Variants in SCUBE1 observed in about 807,000 individuals in gnomAD.
The protein encoded by SCUBE1 is signal peptide, CUB domain and EGF like domain containing 1.
Under a neutral mutation model 124.4 loss-of-function variants are expected in SCUBE1, and 59 were observed. That is an observed-to-expected ratio of 0.47 (90% CI 0.38 to 0.59). The LOEUF (loss-of-function observed/expected upper bound fraction) is 0.59, where lower values mean the gene tolerates loss of function less well. Ranked by LOEUF, SCUBE1 falls within the 20% of genes least tolerant of loss-of-function variation. SCUBE1 has a pLI of 0.00. For missense variants in SCUBE1, 1,150 were observed against 1,371.2 expected, an observed-to-expected ratio of 0.84 and a Z score of 2.55; for synonymous variants, 545 against 550.9, an observed-to-expected ratio of 0.99 and a Z score of 0.15.
chr22:43,302,434 G>A (rs1352576466), intron 3 of SCUBE1, among the ~76,000 whole-genome samples: 1 of 152,200 alleles, frequency 6.6e-6, no homozygotes, highest in East Asian at 1.9e-4. Flanking sequence ...CACTCACTTT[G>A]CTAGACCACC....
chr22:43,246,417 G>A (rs1246882227), intron 6 of SCUBE1, among the ~76,000 whole-genome samples: 5 of 152,170 alleles, frequency 3.3e-5, no homozygotes, highest in African/African-American at 9.7e-5. Flanking sequence ...CCGTGCACCA[G>A]GCGGACCCTC....
chr22:43,220,584 T>C lies in SCUBE1; in HGVS notation c.1553A>G (p.His518Arg), dbSNP rs1922048221. The C allele has an allele frequency of 6.2e-6, 10 of 1,613,578 alleles. No homozygotes were observed. The East Asian group carries it at 2.2e-4, about 36-fold the overall frequency. The change falls in exon 14 of 22, where the codon CAC becomes CGC. Residue 518 changes from histidine (H) to arginine (R), a missense_variant. Physicochemically the swap from His to Arg is conservative, Grantham distance 29. Coordinates refer to ENST00000360835, the MANE Select transcript of SCUBE1 (RefSeq NM_173050.5). ...GAGGGTCACGAAAGTCACATGGCAG[T>C]GGTCTGGACGAGGAAAGGACCACTG... ...KETARQPLLD[H>R]CHVTFVTLKC...
intron 3 of SCUBE1, among the ~76,000 whole-genome samples, chr22:43,304,799 C>T (rs2146767553): frequency 6.6e-6 from 1 of 152,294 alleles, no homozygotes. Flanking sequence ...CATCTCCACC[C>T]CCCGCAGGGG....
intron 2 of SCUBE1, among the ~76,000 whole-genome samples, chr22:43,326,275 G>A (rs191988636): frequency 6.6e-6 from 1 of 152,282 alleles, no homozygotes; most frequent in Non-Finnish European, 1.5e-5. Context: ...CTGGGCGCTA[G>A]CACGTCCTCT....
chr22:43,235,800 C>T (rs35259648), intron 7 of SCUBE1, among the ~76,000 whole-genome samples: 32,499 of 152,068 alleles, frequency 0.21, 4,202 homozygotes, highest in Middle Eastern at 0.3. Context: ...TTCTTGAGGC[C>T]CAGAACCCCC....
In SCUBE1 at chr22:43,223,088, C is replaced by A; in HGVS notation, c.1327+9G>T. The A allele has an allele frequency of 6.5e-7, 1 of 1,527,182 alleles. No homozygotes were observed. Among genetic ancestry groups the A allele is most frequent in the Admixed American group, 2.4e-5 (1 of 42,376 alleles). 94.6% of individuals were successfully genotyped at this position (1,527,182 alleles called of 1,614,324 possible). On this transcript the variant is annotated intron_variant, in intron 11 of 21. Transcript: ENST00000360835. Reference sequence around the variant, plus strand: ...CACAGCATCCCATCTCAGGGACGGCCCGGGTTACCTGGCACGAAGAGTGTG... The same window carrying A: ...CACAGCATCCCATCTCAGGGACGGCACGGGTTACCTGGCACGAAGAGTGTG...
intron 4 of SCUBE1, among the ~76,000 whole-genome samples, chr22:43,267,604 T>A (rs1024870781): frequency 6.6e-6 from 1 of 151,984 alleles, no homozygotes; most frequent in South Asian, 2.1e-4. Flanking sequence ...ACCCCAGCAC[T>A]AGCAGGGTCT....
intron 3 of SCUBE1, among the ~76,000 whole-genome samples, chr22:43,306,133 G>T (rs1212569526): frequency 6.6e-6 from 1 of 152,150 alleles, no homozygotes; most frequent in Admixed American, 6.5e-5. Flanking sequence ...AGGGCCCAGG[G>T]TGCTCCAAGG....
chr22:43,300,377 T>G (rs867163313), intron 3 of SCUBE1, among the ~76,000 whole-genome samples: 1 of 151,726 alleles, frequency 6.6e-6, no homozygotes, highest in South Asian at 2.1e-4. Context: ...TTCTAATGAC[T>G]AATGATGTTG....
At chr22:43,328,873 T>C (rs1407435437) in intron 2 of SCUBE1, among the ~76,000 whole-genome samples, 1 of 152,192 alleles carries the variant, frequency 6.6e-6, no homozygotes. Flanking sequence ...AGGTCTTCAT[T>C]TCCCATGGCT....
chr22:43,286,687 T>G (rs573907688), intron 4 of SCUBE1, among the ~76,000 whole-genome samples: 3 of 152,164 alleles, frequency 2.0e-5, no homozygotes, highest in Non-Finnish European at 4.4e-5. Flanking sequence ...GGACCCCTAC[T>G]TAGCATGTGA....
chr22:43,248,694 C>G (rs1393632839), intron 6 of SCUBE1, among the ~76,000 whole-genome samples: 1 of 152,234 alleles, frequency 6.6e-6, no homozygotes, highest in East Asian at 1.9e-4. Context: ...CCCCCGCTTT[C>G]CTTCAGCCAG....
chr22:43,306,527 A>G (rs2146769515), intron 3 of SCUBE1, among the ~76,000 whole-genome samples: 1 of 152,192 alleles, frequency 6.6e-6, no homozygotes, highest in East Asian at 1.9e-4. Context: ...AATCCAGTGG[A>G]GGGAGGATGG....
At chr22:43,247,380 A>G (rs937085076) in intron 6 of SCUBE1, among the ~76,000 whole-genome samples, 1 of 152,230 alleles carries the variant, frequency 6.6e-6, no homozygotes, top group Admixed American at 6.5e-5. Flanking sequence ...GTCTGACTCT[A>G]GAATCTGGCT....
rs145018199 is a variant in SCUBE1, at chr22:43,212,280, C to T, written c.2221+145G>A. Reference sequence around the variant, plus strand: ...AATGCGGGGCACAGTGGGTCACCCACGCCCACGCCTGACAGCTCCAGGCTC... The same window carrying T: ...AATGCGGGGCACAGTGGGTCACCCATGCCCACGCCTGACAGCTCCAGGCTC... On this transcript the variant is annotated intron_variant, in intron 17 of 21. Transcript: ENST00000360835. 6.3e-4 allele frequency: 559 copies of T among 892,362 alleles called. 2 individuals are homozygous for T. The African/African-American group carries it at 8.3e-3, about 13-fold the overall frequency. The allele number at this position is 892,362 out of a possible 1,614,324, so 55.3% of individuals were successfully genotyped here. A position where few individuals can be genotyped will look rare whatever the true frequency, so the allele number is the denominator to read the frequency against.
At chr22:43,318,159 TA>T (rs1433226410) in intron 3 of SCUBE1, 1 of 152,188 alleles carries the variant, frequency 6.6e-6, no homozygotes, top group Non-Finnish European at 1.5e-5. Flanking sequence ...TACAGGTTAT[TA>T]GTAATTTGTC....
chr22:43,238,783 G>T (rs1201446498), intron 7 of SCUBE1, 55 bp downstream of exon 7: 1 of 1,419,640 alleles, frequency 7.0e-7, no homozygotes, highest in African/African-American at 1.4e-5. Context: ...AGCACACGGA[G>T]GCTCTTGGCC....
chr22:43,317,529 T>C (rs28526058), intron 3 of SCUBE1, among the ~76,000 whole-genome samples: 4,651 of 152,296 alleles, frequency 0.031, 182 homozygotes, highest in African/African-American at 0.087. Flanking sequence ...AACAAGGGCC[T>C]GAGACCCAGA....
intron 3 of SCUBE1, among the ~76,000 whole-genome samples, chr22:43,302,044 G>C (rs931196080): frequency 4.7e-4 from 71 of 152,244 alleles, no homozygotes; most frequent in Non-Finnish European, 1.8e-4. Flanking sequence ...GCTACCAGTG[G>C]GCCGTGGGTG....
Sources: allele counts gnomAD v4.1 joint callset (sites outside exome capture counted in the v4.1 genomes callset), GRCh38; gene constraint gnomAD v4.1.1; transcripts MANE v1.5; gene names NCBI Gene and HGNC (gene_info 2026-07-23, HGNC 2026-07-21).